The following BAIAP3 variants were observed in gnomAD, a reference collection of about 807,000 sequenced individuals.
BAIAP3 encodes BAI1 associated protein 3.
Under a neutral mutation model 149.7 loss-of-function variants are expected in BAIAP3, and 180 were observed. The observed-to-expected ratio is 1.20, with a 90% CI of 1.07 to 1.36. The LOEUF is 1.36. BAIAP3 is among the 40% of genes most tolerant of loss of function. The probability of loss-of-function intolerance (pLI) is 0.00; values close to 1 mark genes in which losing one functional copy is unlikely to be tolerated. For synonymous variants in BAIAP3, 845 were observed against 670.7 expected (o/e 1.26, Z -4.02); for missense variants, 1,767 against 1,563.4 (o/e 1.13, Z -2.20).
intron 9 of BAIAP3, 58 bp from the exon 10 acceptor site, chr16:1,341,928 G>A (rs1022388948): frequency 2.8e-5 from 44 of 1,591,276 alleles, no homozygotes; most frequent in Middle Eastern, 1.7e-4. Context: ...GGAGCAGGAC[G>A]GACTCAGGGC....
At position 1,346,026 on chromosome 16, in the gene BAIAP3, G is replaced by T. The variant is rs891288975; in HGVS notation, c.2249G>T (p.Arg750Leu). 6.2e-7 allele frequency: 1 copy of T among 1,611,524 alleles called. No homozygotes were observed. Among genetic ancestry groups the T allele is most frequent in the Admixed American group, 1.7e-5 (1 of 59,872 alleles). The change falls in exon 24 of 34, where the codon CGG becomes CTG. Residue 750 changes from arginine (R) to leucine (L), a missense_variant. Physicochemically the swap from Arg to Leu is moderately radical, Grantham distance 102 (BLOSUM62 -2). Coordinates refer to ENST00000426824, the MANE Select transcript of BAIAP3 (RefSeq NM_001199097.2). ...EATLFYTELL[R>L]KKVDTQPGAA... The stretch of plus-strand genomic sequence containing the variant: ...ACCCTCTTCTATACGGAGCTGCTTC[G>T]GAAGAAGGTGGACACTCAGCCAGGG...
At chr16:1,343,262 G>T in intron 14 of BAIAP3, 131 bp from the exon 15 acceptor site, 3 of 1,367,474 alleles carry the variant, frequency 2.2e-6, no homozygotes, top group Middle Eastern at 5.2e-4. Flanking sequence ...GCAGGGAAAG[G>T]GGCAGTGCTA....
rs547870649 is a variant in BAIAP3, at chr16:1,339,477, G to A, written c.301-19G>A. ...GGGCCTGGGACGCGGCACTGTGGCC[G>A]CCCTTCCCCCACCTGCAGGTGGAGA... is the stretch of plus-strand genomic sequence containing the variant. On this transcript the variant is annotated intron_variant, in intron 4 of 33. Transcript: ENST00000426824. 1.0e-5 allele frequency: 16 copies of A among 1,597,940 alleles called. No homozygotes were observed. The South Asian group carries it at 1.3e-4, about 13-fold the overall frequency.
At position 1,346,328 on chromosome 16, in the gene BAIAP3, G is replaced by A. The variant is rs2034361911; in HGVS notation, c.2460G>A (p.Glu820=). ...TQALDDDLQR[E]AHTVTAHLTS... The stretch of plus-strand genomic sequence containing the variant: ...CCCTGGACGATGATCTGCAACGGGA[G>A]GCCCACACGGTGACAGCGCACCTGA... Residue 820 remains glutamate (E), a synonymous_variant, in exon 25 of 34, where the codon GAG becomes GAA. Coordinates refer to ENST00000426824, the MANE Select transcript of BAIAP3 (RefSeq NM_001199097.2). 6.2e-7 allele frequency: 1 copy of A among 1,604,068 alleles called. No homozygotes were observed. Among genetic ancestry groups the A allele is most frequent in the Non-Finnish European group, 8.5e-7 (1 of 1,172,962 alleles).
intron 33 of BAIAP3, 30 bp from the exon 34 acceptor site, chr16:1,348,349 C>T: frequency 6.2e-7 from 1 of 1,608,662 alleles, no homozygotes; most frequent in Non-Finnish European, 8.5e-7. Context: ...CTGACCCCGG[C>T]CCCCACACAC....
chr16:1,341,777 G>C (rs1419786616), intron 8 of BAIAP3, 45 bp from the exon 9 acceptor site: 1 of 1,595,956 alleles, frequency 6.3e-7, no homozygotes, highest in Non-Finnish European at 8.5e-7. Context: ...GGCCTGGGCA[G>C]AGCCTCGCCG....
In BAIAP3 at chr16:1,344,668, G is replaced by A. The variant is rs1360484612; in HGVS notation, c.1727G>A (p.Cys576Tyr). Reference sequence around the variant, plus strand: ...GCCGTCTATGATGACCTTCAGTTCTGCTACAGTGTGTACGCCAGCCTCTTC... The same window carrying A: ...GCCGTCTATGATGACCTTCAGTTCTACTACAGTGTGTACGCCAGCCTCTTC... Reference protein sequence around the residue: ...ADAVYDDLQFCYSVYASLFHS... With the variant: ...ADAVYDDLQFYYSVYASLFHS... The change falls in exon 19 of 34, where the codon TGC becomes TAC. Residue 576 changes from cysteine to tyrosine, a missense_variant. Cys to Tyr is a radical substitution (Grantham distance 194). Transcript: ENST00000426824. 2 of 1,613,460 alleles carry A rather than the reference G, an allele frequency of 1.2e-6. No homozygotes were observed. Among genetic ancestry groups the A allele is most frequent in the East Asian group, 2.2e-5 (1 of 44,878 alleles).
At position 1,341,879 on chromosome 16, in the gene BAIAP3, G is replaced by A; in HGVS notation, c.776+13G>A. ...ACCTGGACATCTGGTACAGGCCCCT[G>A]CGCCATGCAGGGCGGCGGGGATGCA... On this transcript the variant is annotated intron_variant, in intron 9 of 33. Transcript: ENST00000426824. 6.2e-7 allele frequency: 1 copy of A among 1,610,152 alleles called. No individual in the cohort carries two copies.
chr16:1,340,839 G>T, intron 5 of BAIAP3, 83 bp from the exon 6 acceptor site: 1 of 1,440,234 alleles, frequency 6.9e-7, no homozygotes, highest in South Asian at 1.2e-5. Flanking sequence ...TGTCTGTGAC[G>T]GGCTGAGCCC....
At position 1,339,154 on chromosome 16, in the gene BAIAP3, C is replaced by T; in HGVS notation, c.220-10C>T. The T allele has an allele frequency of 6.4e-7, 1 of 1,565,976 alleles. No homozygotes were observed. Among genetic ancestry groups the T allele is most frequent in the South Asian group, 1.2e-5 (1 of 86,066 alleles). On this transcript the variant is annotated splice_polypyrimidine_tract_variant and intron_variant, in intron 3 of 33. Coordinates refer to ENST00000426824, the MANE Select transcript of BAIAP3 (RefSeq NM_001199097.2). ...GCCGTCAGAGCCCTCACCCTGGGCCCCACACACAGGTCCCCCTGCGCAGTG... is the reference window on the plus strand; with the variant it reads ...GCCGTCAGAGCCCTCACCCTGGGCCTCACACACAGGTCCCCCTGCGCAGTG...
chr16:1,346,281 C>T lies in BAIAP3; in HGVS notation c.2413C>T (p.Pro805Ser). Reference sequence around the variant, plus strand: ...GGGGCCCGAGGGGGTGCTCCCCCGCCCTCTGCTCAGCTGCACACAGGCCCT... The same window carrying T: ...GGGGCCCGAGGGGGTGCTCCCCCGCTCTCTGCTCAGCTGCACACAGGCCCT... ...ATGPEGVLPRPLLSCTQALDD... is the reference protein window; with the variant it reads ...ATGPEGVLPRSLLSCTQALDD... The change falls in exon 25 of 34, where the codon CCT becomes TCT. Residue 805 changes from proline (P) to serine (S), a missense_variant. Physicochemically the swap from Pro to Ser is moderately conservative, Grantham distance 74. Coordinates refer to ENST00000426824, the MANE Select transcript of BAIAP3 (RefSeq NM_001199097.2). 6.2e-7 allele frequency: 1 copy of T among 1,608,690 alleles called. No homozygotes were observed. Among genetic ancestry groups the T allele is most frequent in the Admixed American group, 1.7e-5 (1 of 59,792 alleles).
intron 23 of BAIAP3, 22 bp downstream of exon 23, chr16:1,345,912 G>A (rs772532180): frequency 1.3e-6 from 2 of 1,579,982 alleles, no homozygotes; most frequent in Non-Finnish European, 1.7e-6. Context: ...GGCCCTGGGG[G>A]TGAGGGGAAC....
chr16:1,343,054 G>A (rs756890127), intron 14 of BAIAP3, 38 bp downstream of exon 14: 1 of 1,572,590 alleles, frequency 6.4e-7, no homozygotes, highest in Non-Finnish European at 8.6e-7. Flanking sequence ...GGGAATGTGG[G>A]CGGGCGTGAG....
chr16:1,343,383 G>T lies in BAIAP3; in HGVS notation c.1266-10G>T. The stretch of plus-strand genomic sequence containing the variant: ...GTTCATACCCTTTGACCATGGGCCG[G>T]GCCCCACAGGCACTGGCAGGTCAGC... On this transcript the variant is annotated splice_polypyrimidine_tract_variant and intron_variant, in intron 14 of 33. Coordinates refer to ENST00000426824, the MANE Select transcript of BAIAP3 (RefSeq NM_001199097.2). The T allele has an allele frequency of 6.3e-7, 1 of 1,579,198 alleles. No individual in the cohort carries two copies. Among genetic ancestry groups the T allele is most frequent in the African/African-American group, 1.3e-5 (1 of 74,332 alleles).
At chr16:1,347,492 C>T in intron 29 of BAIAP3, 53 bp from the exon 30 acceptor site, 3 of 1,559,830 alleles carry the variant, frequency 1.9e-6, no homozygotes, top group South Asian at 2.3e-5. Context: ...CTCCAAGTGC[C>T]AGCGCTGACC....
rs759691114 is a variant in BAIAP3 at position 1,346,578 on chromosome 16, G to A, written c.2563-27G>A. ...GGGGTAGGGCAGAGGTGCGGGGTAA[G>A]CCTGGCCTGACCACCCCTGCCCGCA... On this transcript the variant is annotated intron_variant, in intron 26 of 33. Transcript: ENST00000426824. 65 of 1,565,580 alleles carry A rather than the reference G, an allele frequency of 4.2e-5. No homozygotes were observed. The South Asian group carries it at 6.4e-4, about 15-fold the overall frequency.
intron 15 of BAIAP3, 89 bp downstream of exon 15, chr16:1,343,602 T>A: frequency 6.6e-7 from 1 of 1,523,450 alleles, no homozygotes; most frequent in Non-Finnish European, 8.9e-7. Context: ...AGGGGCAGAG[T>A]CCTGCCCGCG....
chr16:1,348,519 C>G lies in BAIAP3; in HGVS notation c.*37C>G, dbSNP rs1471514955. 3 of 1,564,196 alleles carry G rather than the reference C, an allele frequency of 1.9e-6. No individual in the cohort carries two copies. The highest frequency in any genetic ancestry group is 3.7e-5 in the Admixed American group (2 of 53,944). ...GCCAGCCCCGGCCCTGGCCCCCACCCCAAGTTCCCTGAAGCATCCTCCAGC... is the reference window on the plus strand; with the variant it reads ...GCCAGCCCCGGCCCTGGCCCCCACCGCAAGTTCCCTGAAGCATCCTCCAGC... On this transcript the variant is annotated 3_prime_UTR_variant, in exon 34 of 34. Transcript: ENST00000426824.
At position 1,346,339 on chromosome 16, in the gene BAIAP3, T is replaced by G. The variant is rs973985317; in HGVS notation, c.2471T>G (p.Val824Gly). Residue 824 changes from valine (V) to glycine (G), a missense_variant, in exon 25 of 34, where the codon GTG becomes GGG. Val to Gly is a moderately radical substitution (Grantham distance 109, BLOSUM62 -3). Transcript: ENST00000426824. ...DDDLQREAHTVTAHLTSKMVG... is the reference protein window; with the variant it reads ...DDDLQREAHTGTAHLTSKMVG... The stretch of plus-strand genomic sequence containing the variant: ...GATCTGCAACGGGAGGCCCACACGG[T>G]GACAGCGCACCTGACCTCTAAGGTG... 1 of 1,604,872 alleles carries G rather than the reference T, an allele frequency of 6.2e-7. No individual in the cohort carries two copies. Among genetic ancestry groups the G allele is most frequent in the Non-Finnish European group, 8.5e-7 (1 of 1,173,612 alleles).
Sources: gnomAD v4.1 joint callset for allele counts on GRCh38, gnomAD v4.1.1 for gene constraint, MANE v1.5 for transcripts, NCBI Gene and HGNC (gene_info 2026-07-23, HGNC 2026-07-21) for gene names.